SYCP2L: variants seen among roughly 807,000 people sequenced by gnomAD.
SYCP2L encodes synaptonemal complex protein 2 like.
A neutral mutation model predicts 125.8 loss-of-function variants in SYCP2L; 98 were observed. That is an observed-to-expected ratio of 0.78 (90% CI 0.66 to 0.92). The LOEUF (loss-of-function observed/expected upper bound fraction) is 0.92, where lower values mean the gene tolerates loss of function less well. SYCP2L is among the 40% of genes least tolerant of loss of function. The pLI, the probability that SYCP2L is intolerant of heterozygous loss-of-function variation, is 0.00. For synonymous variants in SYCP2L, 317 were observed against 325.4 expected, an observed-to-expected ratio of 0.97 and a Z score of 0.28; for missense variants, 842 against 936.4, an observed-to-expected ratio of 0.90 and a Z score of 1.32.
chr6:10,911,438 T>G (rs1780603920), intron 12 of SYCP2L, among the ~76,000 whole-genome samples: 1 of 152,184 alleles, frequency 6.6e-6, no homozygotes, highest in South Asian at 2.1e-4. Context: ...AGCTTGACTT[T>G]GTTTGAGTGT....
chr6:10,919,749 G>A (rs572266603), intron 14 of SYCP2L, among the ~76,000 whole-genome samples: 10 of 152,258 alleles, frequency 6.6e-5, no homozygotes, highest in South Asian at 4.1e-4. Flanking sequence ...GGGTCTTGCT[G>A]TGGCTGCTGT....
intron 26 of SYCP2L, 101 bp downstream of exon 26, chr6:10,958,976 G>A: frequency 1.1e-6 from 1 of 910,228 alleles, no homozygotes; most frequent in Non-Finnish European, 1.7e-6. Context: ...GTTGGGGCCT[G>A]AGCAGATGTG....
At chr6:10,935,284 G>T in intron 21 of SYCP2L, 97 bp downstream of exon 21, 2 of 1,207,346 alleles carry the variant, frequency 1.7e-6, no homozygotes, top group Non-Finnish European at 2.3e-6. Context: ...ATCTATTAAA[G>T]AAAATATGAA....
intron 14 of SYCP2L, chr6:10,922,870 G>C (rs920346227): frequency 6.6e-6 from 1 of 152,050 alleles, no homozygotes; most frequent in African/African-American, 2.4e-5. Flanking sequence ...GATTAAAAAA[G>C]TAGATTAAGT....
At chr6:10,939,500 A>G (rs776898487) in intron 21 of SYCP2L, among the ~76,000 whole-genome samples, 13 of 152,250 alleles carry the variant, frequency 8.5e-5, no homozygotes, top group Non-Finnish European at 1.6e-4. Flanking sequence ...AGTAATCAAA[A>G]CAGTATAGTA....
chr6:10,945,328 T>C (rs995068277), intron 23 of SYCP2L, among the ~76,000 whole-genome samples: 3 of 152,230 alleles, frequency 2.0e-5, no homozygotes, highest in African/African-American at 7.2e-5. Flanking sequence ...CCTTCAAATC[T>C]TACATTCTTA....
intron 21 of SYCP2L, among the ~76,000 whole-genome samples, chr6:10,938,805 G>A (rs1287980799): frequency 6.6e-6 from 1 of 152,140 alleles, no homozygotes; most frequent in Non-Finnish European, 1.5e-5. Context: ...GACACTAACA[G>A]TAAACTGTCT....
chr6:10,892,515 T>G (rs1780190542), intron 2 of SYCP2L, among the ~76,000 whole-genome samples: 1 of 152,214 alleles, frequency 6.6e-6, no homozygotes, highest in Non-Finnish European at 1.5e-5. Context: ...CCCAGGCTGA[T>G]GTCAAACTTC....
intron 29 of SYCP2L, among the ~76,000 whole-genome samples, chr6:10,973,738 G>A (rs531361829): frequency 6.6e-6 from 1 of 152,298 alleles, no homozygotes; most frequent in East Asian, 1.9e-4. Flanking sequence ...GGCATGTGTT[G>A]AAGAGATTTC....
At chr6:10,921,205 A>G (rs372109193) in intron 14 of SYCP2L, among the ~76,000 whole-genome samples, 1 of 152,176 alleles carries the variant, frequency 6.6e-6, no homozygotes, top group African/African-American at 2.4e-5. Flanking sequence ...TGCAAAGGAC[A>G]TGATCTCATT....
At chr6:10,927,156 A>C in intron 16 of SYCP2L, 84 bp from the exon 17 acceptor site, 1 of 1,560,704 alleles carries the variant, frequency 6.4e-7, no homozygotes. Context: ...GAGAGGTACC[A>C]GAGGGGACAT....
intron 14 of SYCP2L, chr6:10,922,750 G>C (rs1436216338): frequency 6.6e-6 from 1 of 152,098 alleles, no homozygotes; most frequent in Non-Finnish European, 1.5e-5. Flanking sequence ...GGAGATCATG[G>C]AGGCTTACTC....
At chr6:10,903,285 A>G (rs554075504) in intron 8 of SYCP2L, among the ~76,000 whole-genome samples, 1 of 152,222 alleles carries the variant, frequency 6.6e-6, no homozygotes, top group African/African-American at 2.4e-5. Context: ...GTGGTGGCTC[A>G]CGCCTGTAAT....
intron 23 of SYCP2L, among the ~76,000 whole-genome samples, chr6:10,945,157 C>CT (rs1183271204): frequency 6.6e-6 from 1 of 152,136 alleles, no homozygotes; most frequent in Non-Finnish European, 1.5e-5. Context: ...AGAACATAGT[C>CT]TGTATGATTA....
Position 10,887,114 on chromosome 6 carries a change from A to T in SYCP2L, c.-13A>T. ...TGAGCGGCGCGTCGCTTCAGGAACGAAGAAGCCTCGTTATGCAAGCGGTGA... is the reference window on the plus strand; with the variant it reads ...TGAGCGGCGCGTCGCTTCAGGAACGTAGAAGCCTCGTTATGCAAGCGGTGA... On this transcript the variant is annotated 5_prime_UTR_variant, in exon 1 of 30. Coordinates refer to ENST00000283141, the MANE Select transcript of SYCP2L (RefSeq NM_001040274.3). The T allele has an allele frequency of 1.2e-6, 2 of 1,614,136 alleles. No individual in the cohort carries two copies. Among genetic ancestry groups the T allele is most frequent in the Non-Finnish European group, 1.7e-6 (2 of 1,179,992 alleles).
At chr6:10,923,981 G>T (rs1391560900) in intron 14 of SYCP2L, among the ~76,000 whole-genome samples, 1 of 152,224 alleles carries the variant, frequency 6.6e-6, no homozygotes, top group Non-Finnish European at 1.5e-5. Flanking sequence ...ACCACGCCTG[G>T]CCTACAGAAT....
chr6:10,950,738 C>T (rs1781395734), intron 23 of SYCP2L, among the ~76,000 whole-genome samples: 1 of 152,102 alleles, frequency 6.6e-6, no homozygotes, highest in Non-Finnish European at 1.5e-5. Flanking sequence ...CGGGTCACTG[C>T]AGCCTTCGAT....
rs984366574 is a variant in SYCP2L at position 10,896,741 on chromosome 6, G to A, written c.337-1270G>A. Among the ~76,000 whole-genome samples the A allele has an allele frequency of 4.6e-5, 7 of 152,236 alleles. No individual in the cohort carries two copies. The East Asian group carries it at 9.6e-4, about 21-fold the overall frequency. On this transcript the variant is annotated intron_variant, in intron 4 of 29. Transcript: ENST00000283141. ...AGTCACCTGGAGAGCTCTCACAAAC[G>A]TTCTTAAACCTAAAATAGAAAACTC...
At chr6:10,928,990 C>T (rs1780945280) in intron 18 of SYCP2L, among the ~76,000 whole-genome samples, 1 of 151,386 alleles carries the variant, frequency 6.6e-6, no homozygotes, top group Non-Finnish European at 1.5e-5. Flanking sequence ...CTTCTGGGTT[C>T]AAGCAATTCT....
Sources: gnomAD v4.1 joint callset for allele counts (sites outside exome capture counted in the v4.1 genomes callset) on GRCh38, gnomAD v4.1.1 for gene constraint, MANE v1.5 for transcripts, NCBI Gene and HGNC (gene_info 2026-07-23, HGNC 2026-07-21) for gene names.